Variants in SUMF1 observed in about 807,000 individuals in gnomAD.
The protein encoded by SUMF1 is formylglycine-generating enzyme.
In SUMF1, 48 loss-of-function variants were observed where a neutral mutation model predicts 47.6. The observed-to-expected ratio is 1.01, with a 90% CI of 0.80 to 1.28. The LOEUF is 1.28. Among genes scored for constraint, SUMF1 ranks in the 50% most tolerant of loss-of-function variants. SUMF1 has a pLI of 0.00. For synonymous variants in SUMF1, 230 were observed against 192.1 expected, an observed-to-expected ratio of 1.20 and a Z score of -1.63; for missense variants, 571 against 485.4, an observed-to-expected ratio of 1.18 and a Z score of -1.66.
At chr3:4,446,547 T>C (rs544322453) in intron 3 of SUMF1, among the ~76,000 whole-genome samples, 1 of 152,290 alleles carries the variant, frequency 6.6e-6, no homozygotes, top group African/African-American at 2.4e-5. Context: ...AATGGATTAA[T>C]GGATTAGGTA....
intron 9 of SUMF1, among the ~76,000 whole-genome samples, chr3:4,054,124 C>T (rs939349844): frequency 6.6e-6 from 1 of 152,056 alleles, no homozygotes; most frequent in Non-Finnish European, 1.5e-5. Context: ...TCAAGCATGA[C>T]CTTTTGAGCA....
In SUMF1 at chr3:4,418,094, G is replaced by T. The variant is rs367628085; in HGVS notation, c.641C>A (p.Ala214Glu). ...CCCTGCCCAAGTGCAGTAGGCAACC[G>T]CATCATTCCAGGACACATGGAGAAC... ...HPVLHVSWNDAVAYCTWAGKR... is the reference protein window; with the variant it reads ...HPVLHVSWNDEVAYCTWAGKR... The change falls in exon 5 of 9, where the codon GCG (alanine) becomes GAG (glutamate). Residue 214 changes from alanine (A) to glutamate (E), a missense_variant. Physicochemically the swap from Ala to Glu is moderately radical, Grantham distance 107. Coordinates refer to ENST00000272902, the MANE Select transcript of SUMF1 (RefSeq NM_182760.4). 6.2e-7 allele frequency: 1 copy of T among 1,613,924 alleles called. No homozygotes were observed. The highest frequency in any genetic ancestry group is 8.5e-7 in the Non-Finnish European group (1 of 1,180,014).
chr3:4,219,648 T>G (rs1559580339), intron 8 of SUMF1, among the ~76,000 whole-genome samples: 1 of 152,186 alleles, frequency 6.6e-6, no homozygotes, highest in Non-Finnish European at 1.5e-5. Flanking sequence ...TTGAGTTTAC[T>G]TCTCCACCTA....
At chr3:4,051,426 C>A (rs543123298) in intron 9 of SUMF1, among the ~76,000 whole-genome samples, 1 of 152,168 alleles carries the variant, frequency 6.6e-6, no homozygotes, top group Non-Finnish European at 1.5e-5. Flanking sequence ...TGCTCCTCTA[C>A]TGTCCACACT....
chr3:4,163,040 G>A (rs1694614397), intron 8 of SUMF1, among the ~76,000 whole-genome samples: 1 of 151,876 alleles, frequency 6.6e-6, no homozygotes. Flanking sequence ...CCCAACTGAA[G>A]GAAGAAAAAT....
chr3:4,074,243 G>A (rs960115380), intron 8 of SUMF1, among the ~76,000 whole-genome samples: 2 of 152,100 alleles, frequency 1.3e-5, no homozygotes, highest in African/African-American at 4.8e-5. Context: ...ATGACTACTG[G>A]ATAAATAACA....
At chr3:4,235,657 A>G (rs1184601832) in intron 8 of SUMF1, among the ~76,000 whole-genome samples, 1 of 152,096 alleles carries the variant, frequency 6.6e-6, no homozygotes, top group Non-Finnish European at 1.5e-5. Context: ...ACAAGGGAAC[A>G]TCCTAGGCCC....
chr3:4,184,107 C>T (rs1036464766), intron 8 of SUMF1, among the ~76,000 whole-genome samples: 2 of 151,550 alleles, frequency 1.3e-5, no homozygotes, highest in East Asian at 1.9e-4. Context: ...TGCTCTCCAG[C>T]CTGGGTGATG....
chr3:4,225,200 T>C (rs894739922), intron 8 of SUMF1, among the ~76,000 whole-genome samples: 2 of 152,076 alleles, frequency 1.3e-5, no homozygotes, highest in Non-Finnish European at 2.9e-5. Flanking sequence ...ATAGTTAATC[T>C]TAGAAAAACA....
intron 8 of SUMF1, among the ~76,000 whole-genome samples, chr3:4,126,653 T>C (rs956196159): frequency 1.1e-4 from 16 of 152,128 alleles, no homozygotes; most frequent in African/African-American, 3.6e-4. Context: ...CAACCACTTT[T>C]CAGGAAGAAC....
intron 8 of SUMF1, among the ~76,000 whole-genome samples, chr3:4,202,844 T>G (rs1695569761): frequency 6.6e-6 from 1 of 152,046 alleles, no homozygotes; most frequent in Non-Finnish European, 1.5e-5. Context: ...CATTGGTCAT[T>G]CAGGAGCATA....
chr3:4,369,831 C>A (rs1464271911), intron 8 of SUMF1, among the ~76,000 whole-genome samples: 1 of 152,094 alleles, frequency 6.6e-6, no homozygotes, highest in African/African-American at 2.4e-5. Flanking sequence ...TTGAGTAACA[C>A]TAGTTTATAG....
chr3:4,425,442 G>C (rs1390560328), intron 3 of SUMF1, among the ~76,000 whole-genome samples: 1 of 152,120 alleles, frequency 6.6e-6, no homozygotes, highest in African/African-American at 2.4e-5. Flanking sequence ...TTCTCTTAGA[G>C]CTTTCAGAGA....
intron 8 of SUMF1, among the ~76,000 whole-genome samples, chr3:4,145,356 A>C (rs970260865): frequency 4.6e-5 from 7 of 152,002 alleles, no homozygotes; most frequent in African/African-American, 7.3e-5. Flanking sequence ...ATCTCTAGCA[A>C]ATTTTCTTCC....
intron 2 of SUMF1, 111 bp from the exon 3 acceptor site, chr3:4,449,451 G>C: frequency 3.6e-6 from 4 of 1,119,998 alleles, no homozygotes; most frequent in Non-Finnish European, 5.4e-6. Flanking sequence ...AATTGAACTT[G>C]AGTCTTTCTT....
chr3:4,374,116 G>A (rs1276420793), intron 8 of SUMF1, among the ~76,000 whole-genome samples: 1 of 152,138 alleles, frequency 6.6e-6, no homozygotes, highest in Non-Finnish European at 1.5e-5. Flanking sequence ...TATTCCCTAA[G>A]ATCAAGAATG....
chr3:4,281,633 A>C (rs1359841202), intron 8 of SUMF1, among the ~76,000 whole-genome samples: 3 of 152,214 alleles, frequency 2.0e-5, no homozygotes, highest in African/African-American at 7.2e-5. Flanking sequence ...AATAATTAGA[A>C]GAAGTAACAA....
chr3:4,109,057 C>T (rs188858474), intron 8 of SUMF1, among the ~76,000 whole-genome samples: 2 of 151,936 alleles, frequency 1.3e-5, no homozygotes, highest in African/African-American at 4.8e-5. Flanking sequence ...TTGCAGTGGC[C>T]GATACCAGTT....
intron 8 of SUMF1, among the ~76,000 whole-genome samples, chr3:4,146,248 T>C (rs951749545): frequency 6.6e-6 from 1 of 151,636 alleles, no homozygotes. Context: ...GGGAAGGCAA[T>C]GATTAAAACG....
Sources: gnomAD v4.1 joint callset for allele counts (sites outside exome capture counted in the v4.1 genomes callset) on GRCh38, gnomAD v4.1.1 for gene constraint, MANE v1.5 for transcripts, NCBI Gene and HGNC (gene_info 2026-07-23, HGNC 2026-07-21) for gene names.